Variants in DOCK4 observed in about 807,000 individuals in gnomAD.
DOCK4 encodes dedicator of cytokinesis protein 4.
In DOCK4, 97 loss-of-function variants were observed where a neutral mutation model predicts 268.1. The observed-to-expected ratio is 0.36, with a 90% CI of 0.31 to 0.43. The LOEUF (loss-of-function observed/expected upper bound fraction) is 0.43, where lower values mean the gene tolerates loss of function less well. Ranked by LOEUF, DOCK4 falls within the 20% of genes least tolerant of loss-of-function variation. The pLI is 1.00. For missense variants in DOCK4, 2,145 were observed against 2,455.7 expected (o/e 0.87, Z 2.67); for synonymous variants, 954 against 887.2 (o/e 1.08, Z -1.34).
chr7:111,993,330 T>G (rs1313405778), intron 5 of DOCK4, among the ~76,000 whole-genome samples: 1 of 152,232 alleles, frequency 6.6e-6, no homozygotes, highest in Non-Finnish European at 1.5e-5. Context: ...TCTACAAATT[T>G]CTTTAAAAAT....
At chr7:111,800,892 T>G (rs1377460152) in intron 30 of DOCK4, among the ~76,000 whole-genome samples, 5 of 152,266 alleles carry the variant, frequency 3.3e-5, no homozygotes, top group Non-Finnish European at 7.4e-5. Flanking sequence ...AAAGGGGGAA[T>G]AATACAGGAG....
Position 111,728,538 on chromosome 7 carries a change from TGGCACC to T in DOCK4, c.5658_5663del (p.Val1893_Pro1894del), listed in dbSNP as rs770697726. On this transcript the variant is annotated inframe_deletion, in exon 53 of 53. Coordinates refer to ENST00000428084, the MANE Select transcript of DOCK4 (RefSeq NM_001363540.2). ...CGTAGCTCGGCACGGGCACCGGCAC[TGGCACC>T]GGCAGGGGGGCCGACTGTTCATTCA... is the stretch of plus-strand genomic sequence containing the variant. 38 of 1,613,614 alleles carry T rather than the reference TGGCACC, an allele frequency of 2.4e-5. No homozygotes were observed. The South Asian group carries it at 3.4e-4, about 14-fold the overall frequency.
At chr7:111,730,230 A>C (rs987492896) in intron 52 of DOCK4, among the ~76,000 whole-genome samples, 1 of 152,214 alleles carries the variant, frequency 6.6e-6, no homozygotes, top group African/African-American at 2.4e-5. Context: ...GAAATGCTGC[A>C]CACTGTATAC....
intron 25 of DOCK4, among the ~76,000 whole-genome samples, chr7:111,843,380 A>G (rs556132659): frequency 6.6e-6 from 1 of 152,360 alleles, no homozygotes; most frequent in South Asian, 2.1e-4. Context: ...AACAGTGAAA[A>G]AACAATCCAG....
At chr7:112,000,283 A>G (rs1423979450) in intron 3 of DOCK4, among the ~76,000 whole-genome samples, 1 of 152,154 alleles carries the variant, frequency 6.6e-6, no homozygotes, top group Non-Finnish European at 1.5e-5. Flanking sequence ...TTCTCAGTAC[A>G]ATTTTCAAGA....
At chr7:111,956,660 G>A (rs185005363) in intron 8 of DOCK4, among the ~76,000 whole-genome samples, 3 of 152,232 alleles carry the variant, frequency 2.0e-5, no homozygotes, top group Admixed American at 2.0e-4. Context: ...ATACATAATT[G>A]ACTATTCCCC....
chr7:111,899,732 G>C (rs1405592541), intron 15 of DOCK4, among the ~76,000 whole-genome samples: 5 of 152,120 alleles, frequency 3.3e-5, no homozygotes, highest in African/African-American at 1.2e-4. Context: ...AGACCAGCCT[G>C]ACCAATATGG....
intron 1 of DOCK4, among the ~76,000 whole-genome samples, chr7:112,020,644 A>AC (rs1197209519): frequency 1.3e-5 from 2 of 149,918 alleles, no homozygotes; most frequent in African/African-American, 4.9e-5. Context: ...GCCAAAACTG[A>AC]CTTGGCTTTC....
chr7:111,778,413 G>C, intron 35 of DOCK4, 44 bp from the exon 36 acceptor site: 1 of 1,299,816 alleles, frequency 7.7e-7, no homozygotes, highest in Non-Finnish European at 1.1e-6. Context: ...TCAACAATCT[G>C]GCCTACAATT....
At chr7:111,781,226 T>C (rs1798767916) in intron 35 of DOCK4, among the ~76,000 whole-genome samples, 1 of 152,218 alleles carries the variant, frequency 6.6e-6, no homozygotes, top group Non-Finnish European at 1.5e-5. Flanking sequence ...AGGTTATTTA[T>C]GGGACTTTGT....
chr7:111,870,306 TTTTTTC>T (rs1806305401), intron 20 of DOCK4, among the ~76,000 whole-genome samples: 1 of 151,716 alleles, frequency 6.6e-6, no homozygotes, highest in Non-Finnish European at 1.5e-5. Context: ...TTGGTTTCTC[TTTTTTC>T]TTTTTCTTTT....
At chr7:111,885,489 C>T (rs1422902872) in intron 16 of DOCK4, among the ~76,000 whole-genome samples, 1 of 152,154 alleles carries the variant, frequency 6.6e-6, no homozygotes, top group Non-Finnish European at 1.5e-5. Flanking sequence ...GTGGAAGACA[C>T]AAGCACAGCT....
At chr7:111,781,927 T>C (rs568925500) in intron 35 of DOCK4, among the ~76,000 whole-genome samples, 1 of 152,288 alleles carries the variant, frequency 6.6e-6, no homozygotes, top group African/African-American at 2.4e-5. Flanking sequence ...ACTCAAATGA[T>C]CAGAGTAAGG....
intron 1 of DOCK4, among the ~76,000 whole-genome samples, chr7:112,166,979 C>G (rs1817663105): frequency 6.6e-6 from 1 of 152,000 alleles, no homozygotes; most frequent in Non-Finnish European, 1.5e-5. Flanking sequence ...ATGAAACCCA[C>G]TGTATTTGTT....
At chr7:111,876,305 G>C (rs1423899398) in intron 17 of DOCK4, among the ~76,000 whole-genome samples, 1 of 152,044 alleles carries the variant, frequency 6.6e-6, no homozygotes, top group East Asian at 1.9e-4. Flanking sequence ...TCTAAAAGAA[G>C]AAATATTTCC....
At chr7:111,795,288 C>T (rs1322956524) in intron 30 of DOCK4, among the ~76,000 whole-genome samples, 1 of 149,870 alleles carries the variant, frequency 6.7e-6, no homozygotes, top group Non-Finnish European at 1.5e-5. Context: ...AACATAAGGA[C>T]TTCTCTAAAC....
At chr7:111,835,547 C>T (rs1014549238) in intron 25 of DOCK4, among the ~76,000 whole-genome samples, 4 of 152,162 alleles carry the variant, frequency 2.6e-5, no homozygotes, top group Non-Finnish European at 5.9e-5. Context: ...AAAATGCTTG[C>T]ATTTTCAATG....
intron 1 of DOCK4, among the ~76,000 whole-genome samples, chr7:112,057,833 C>T (rs1054264560): frequency 3.3e-5 from 5 of 151,406 alleles, no homozygotes; most frequent in African/African-American, 1.2e-4. Flanking sequence ...ACTGCTCTCA[C>T]TAAAAGTACA....
At chr7:111,845,392 G>A (rs1227899229) in intron 24 of DOCK4, among the ~76,000 whole-genome samples, 1 of 152,164 alleles carries the variant, frequency 6.6e-6, no homozygotes, top group African/African-American at 2.4e-5. Context: ...GTAAATATTA[G>A]GAAATGGTGT....
Sources: gnomAD v4.1 joint callset for allele counts (sites outside exome capture counted in the v4.1 genomes callset) on GRCh38, gnomAD v4.1.1 for gene constraint, MANE v1.5 for transcripts, NCBI Gene and HGNC (gene_info 2026-07-23, HGNC 2026-07-21) for gene names.